C19orf44: variants seen among roughly 807,000 people sequenced by gnomAD.
The protein encoded by C19orf44 is chromosome 19 open reading frame 44.
In C19orf44, 43 loss-of-function variants were observed where a neutral mutation model predicts 50.7. That is an observed-to-expected ratio of 0.85 (90% CI 0.66 to 1.09). The LOEUF is 1.09. Ranked by LOEUF, C19orf44 falls within the 50% of genes least tolerant of loss-of-function variation. The pLI is 0.00. For missense variants in C19orf44, 722 were observed against 836.2 expected, an observed-to-expected ratio of 0.86 and a Z score of 1.68; for synonymous variants, 298 against 334.7, an observed-to-expected ratio of 0.89 and a Z score of 1.20.
rs1041237800 is a variant in C19orf44, at chr19:16,521,178, C to T, written c.*1125C>T. The T allele has an allele frequency of 1.0e-5, 6 of 583,988 alleles. No homozygotes were observed. Among genetic ancestry groups the T allele is most frequent in the Admixed American group, 3.0e-5 (1 of 33,274 alleles). The allele number at this position is 583,988 out of a possible 1,614,324, so 36.2% of individuals were successfully genotyped here. On this transcript the variant is annotated 3_prime_UTR_variant, in exon 9 of 9. Transcript: ENST00000221671. ...ACCCATGGTCTGTGGAACTGGGAAA[C>T]AGGAACACTGACTCATGGGTGGACA... is the stretch of plus-strand genomic sequence containing the variant.
chr19:16,517,566 C>G (rs1279045804), intron 8 of C19orf44, among the ~76,000 whole-genome samples: 1 of 152,214 alleles, frequency 6.6e-6, no homozygotes, highest in South Asian at 2.1e-4. Context: ...GCTCTCCCAG[C>G]AGCATGCCCA....
chr19:16,508,897 C>T (rs2093448290), intron 4 of C19orf44, among the ~76,000 whole-genome samples: 2 of 151,852 alleles, frequency 1.3e-5, no homozygotes, highest in Non-Finnish European at 2.9e-5. Flanking sequence ...CTCAGCTCAC[C>T]ATAACCTCTG....
chr19:16,501,058 G>C lies in C19orf44; in HGVS notation c.266G>C (p.Arg89Pro). Residue 89 changes from arginine to proline, a missense_variant, in exon 2 of 9, where the codon CGA becomes CCA. Coordinates refer to ENST00000221671, the MANE Select transcript of C19orf44 (RefSeq NM_032207.4). Reference sequence around the variant, plus strand: ...CCGCCCACCACTGCCTCCAGGATCCGAGCCAATGCCGCACTCATGAAGCTG... The same window carrying C: ...CCGCCCACCACTGCCTCCAGGATCCCAGCCAATGCCGCACTCATGAAGCTG... ...CRPPTTASRI[R>P]ANAALMKLAQ... 1 of 1,614,100 alleles carries C rather than the reference G, an allele frequency of 6.2e-7. No homozygotes were observed. The highest frequency in any genetic ancestry group is 8.5e-7 in the Non-Finnish European group (1 of 1,180,038).
intron 2 of C19orf44, among the ~76,000 whole-genome samples, chr19:16,502,740 C>G (rs1479486702): frequency 6.6e-6 from 1 of 151,714 alleles, no homozygotes; most frequent in Non-Finnish European, 1.5e-5. Flanking sequence ...ACCTGTAATC[C>G]CAGGGTTTTG....
chr19:16,506,699 AGAG>A lies in C19orf44; in HGVS notation c.1076-1_1077del. The A allele has an allele frequency of 6.3e-7, 1 of 1,579,070 alleles. No homozygotes were observed. The highest frequency in any genetic ancestry group is 1.2e-5 in the South Asian group (1 of 84,422). Reference sequence around the variant, plus strand: ...ACGCTTATACTCATTTTTTAATTACAGAGTTTAGAATAAATATTTTATCGCTTG... The same window carrying A: ...ACGCTTATACTCATTTTTTAATTACATTTAGAATAAATATTTTATCGCTTG... On this transcript the variant is annotated splice_acceptor_variant and coding_sequence_variant, in exon 4 of 9. Transcript: ENST00000221671. LOFTEE classifies it high-confidence loss of function.
intron 3 of C19orf44, among the ~76,000 whole-genome samples, 165 bp downstream of exon 3, chr19:16,503,545 C>T (rs2093431998): frequency 1.3e-5 from 2 of 152,068 alleles, no homozygotes; most frequent in Admixed American, 6.6e-5. Flanking sequence ...GGGCCAAGTC[C>T]GATTTTTGTG....
chr19:16,520,852 C>T lies in C19orf44; in HGVS notation c.*799C>T. 1.2e-6 allele frequency: 2 copies of T among 1,613,912 alleles called. No homozygotes were observed. Among genetic ancestry groups the T allele is most frequent in the Non-Finnish European group, 1.7e-6 (2 of 1,180,042 alleles). On this transcript the variant is annotated 3_prime_UTR_variant, in exon 9 of 9. Coordinates refer to ENST00000221671, the MANE Select transcript of C19orf44 (RefSeq NM_032207.4). The surrounding 1 kb of genome is among the most constrained non-coding windows in gnomAD (Gnocchi z 4.0). ...TGTTCCTCTTCTCCTGGCCTTTCCT[C>T]CGCCGGGCCCGCATTTTTGCTCGGA...
chr19:16,512,943 T>A, intron 5 of C19orf44, 71 bp from the exon 6 acceptor site: 1 of 1,235,408 alleles, frequency 8.1e-7, no homozygotes, highest in Non-Finnish European at 1.2e-6. Flanking sequence ...TATTCCAGGG[T>A]CGTATCTGTG....
At chr19:16,516,573 C>A (rs1007116518) in intron 7 of C19orf44, among the ~76,000 whole-genome samples, 2 of 152,204 alleles carry the variant, frequency 1.3e-5, no homozygotes, top group Admixed American at 1.3e-4. Flanking sequence ...GTCCTTTGAG[C>A]CTCTTAATCT....
chr19:16,519,610 C>G lies in C19orf44; in HGVS notation c.*41-484C>G. On this transcript the variant is annotated intron_variant, in intron 8 of 8. Transcript: ENST00000221671. This position sits in a 1 kb window ranked among gnomAD's most constrained non-coding sequence, Gnocchi z 6.0. ...GACCCATCCCGCGCCCTCCCCATTC[C>G]CTCGCCTTACCCATCTTCACCAGCA... 2 of 1,613,008 alleles carry G rather than the reference C, an allele frequency of 1.2e-6. No individual in the cohort carries two copies. Among genetic ancestry groups the G allele is most frequent in the Non-Finnish European group, 1.7e-6 (2 of 1,179,028 alleles).
At chr19:16,516,092 CCT>C (rs1198283824) in intron 7 of C19orf44, among the ~76,000 whole-genome samples, 1 of 152,182 alleles carries the variant, frequency 6.6e-6, no homozygotes, top group African/African-American at 2.4e-5. Flanking sequence ...GCCACCGCCC[CCT>C]GCTTTAAACA....
rs1373030706 is a variant in C19orf44, at chr19:16,520,954, C to T, written c.*901C>T. The T allele has an allele frequency of 6.5e-7, 1 of 1,546,980 alleles. No individual in the cohort carries two copies. The highest frequency in any genetic ancestry group is 2.2e-5 in the East Asian group (1 of 44,562). On this transcript the variant is annotated 3_prime_UTR_variant, in exon 9 of 9. Coordinates refer to ENST00000221671, the MANE Select transcript of C19orf44 (RefSeq NM_032207.4). The surrounding 1 kb of genome is among the most constrained non-coding windows in gnomAD (Gnocchi z 4.0). ...TCCGTGTGTGACCACGTGACACCCA[C>T]CCACAAGGAAGTCGTGAAAAAGTCA...
At chr19:16,517,159 C>T (rs2085543524) in intron 7 of C19orf44, 71 bp from the exon 8 acceptor site, 1 of 1,422,078 alleles carries the variant, frequency 7.0e-7, no homozygotes, top group African/African-American at 1.4e-5. Context: ...TCCACTCCCT[C>T]CTCCAGCACC....
At position 16,514,607 on chromosome 19, in the gene C19orf44, C is replaced by A; in HGVS notation, c.1846C>A (p.Leu616Met). Residue 616 changes from leucine (L) to methionine (M), a missense_variant, in exon 7 of 9, where the codon CTG (leucine) becomes ATG (methionine). Transcript: ENST00000221671. ...CAGCCGGCACCTGCACGCCTCCCTC[C>A]TGCGCTCCCTGGACGCGGACTCCTT... ...QASRHLHASL[L>M]RSLDADSFHY... 1 of 1,601,152 alleles carries A rather than the reference C, an allele frequency of 6.2e-7. No homozygotes were observed.
At chr19:16,510,826 C>T (rs758986351) in intron 5 of C19orf44, among the ~76,000 whole-genome samples, 5 of 152,066 alleles carry the variant, frequency 3.3e-5, no homozygotes, top group African/African-American at 4.8e-5. Context: ...GCCTCAACCT[C>T]CCTAGGCTCA....
intron 3 of C19orf44, among the ~76,000 whole-genome samples, chr19:16,504,223 A>G (rs186295862): frequency 1.4e-3 from 205 of 151,646 alleles, no homozygotes; most frequent in African/African-American, 4.9e-3. Flanking sequence ...AAACCCAAAA[A>G]CCTGTTGGGG....
In C19orf44 at chr19:16,517,235, T is replaced by C. The variant is rs1333556480; in HGVS notation, c.1908T>C (p.Ile636=). ...YHTLEEAKEY[I]RCHRPAPLTM... ...GTCTGTTCTCTGCCTGACAGTACAT[T>C]AGGTGCCACAGACCTGCCCCACTGA... Residue 636 remains isoleucine, a synonymous_variant, in exon 8 of 9, where the codon ATT becomes ATC. Coordinates refer to ENST00000221671, the MANE Select transcript of C19orf44 (RefSeq NM_032207.4). The C allele has an allele frequency of 1.9e-6, 3 of 1,613,792 alleles. No individual in the cohort carries two copies. The highest frequency in any genetic ancestry group is 2.7e-5 in the African/African-American group (2 of 74,886).
intron 5 of C19orf44, among the ~76,000 whole-genome samples, chr19:16,512,704 C>CAAA: frequency 6.6e-6 from 1 of 151,948 alleles, no homozygotes; most frequent in Admixed American, 6.6e-5. Context: ...CCTGTCTCTA[C>CAAA]AAAAAATTTT....
intron 1 of C19orf44, among the ~76,000 whole-genome samples, chr19:16,498,959 C>T (rs1410634712): frequency 6.6e-6 from 1 of 152,184 alleles, no homozygotes; most frequent in Admixed American, 6.6e-5. Context: ...CGTGAGCCAC[C>T]ACGCCTAGTC....
Sources: gnomAD v4.1 joint callset for allele counts (sites outside exome capture counted in the v4.1 genomes callset) on GRCh38, gnomAD v4.1.1 for gene constraint, Gnocchi (gnomAD v3.1) non-coding constraint, MANE v1.5 for transcripts, NCBI Gene and HGNC (gene_info 2026-07-23, HGNC 2026-07-21) for gene names.